Variants in DMD observed in about 807,000 individuals in gnomAD.
DMD encodes dystrophin, also known as mutant dystrophin.
Under a neutral mutation model 330.1 loss-of-function variants are expected in DMD, and 63 were observed. The ratio of observed to expected loss-of-function variants is 0.19; its 90% CI spans 0.16 to 0.24. The LOEUF (loss-of-function observed/expected upper bound fraction) is 0.24. Ranked by LOEUF, DMD falls within the 10% of genes least tolerant of loss-of-function variation. DMD has a pLI of 1.00. For synonymous variants in DMD, 1,223 were observed against 959.8 expected, an observed-to-expected ratio of 1.27 and a Z score of -5.07; for missense variants, 3,344 against 2,684.1, an observed-to-expected ratio of 1.25 and a Z score of -5.43.
intron 37 of DMD, among the ~76,000 whole-genome samples, chrX:32,349,153 C>T (rs963831360): frequency 2.7e-5 from 3 of 111,478 alleles, no homozygotes; most frequent in African/African-American, 9.7e-5. Context: ...ACCTTGTAAA[C>T]ATCAGTTTCT....
intron 38 of DMD, among the ~76,000 whole-genome samples, chrX:32,347,829 T>C (rs1231370685): frequency 1.8e-5 from 2 of 111,718 alleles, no homozygotes; most frequent in Non-Finnish European, 3.8e-5. Flanking sequence ...TTAGTTGGGA[T>C]TGAAGGAGAA....
chrX:31,839,482 T>G (rs73619010), intron 48 of DMD, among the ~76,000 whole-genome samples: 13,361 of 111,701 alleles, frequency 0.12, 752 homozygotes, highest in African/African-American at 0.21. Context: ...TAGACTATTT[T>G]CTTTCTAAAT....
intron 64 of DMD, among the ~76,000 whole-genome samples, chrX:31,214,937 C>CTTTTTTTTTTTTTTTTTTTTTTTTTT (rs761569710): frequency 3.4e-4 from 13 of 38,097 alleles, no homozygotes; most frequent in East Asian, 1.0e-3. Context: ...TTTCTTTTTT[C>CTTTTTTTTTTTTTTTTTTTTTTTTTT]TTTTTTTTTT....
At chrX:32,177,763 A>C (rs1343719001) in intron 44 of DMD, among the ~76,000 whole-genome samples, 3 of 111,287 alleles carry the variant, frequency 2.7e-5, no homozygotes, top group Non-Finnish European at 3.8e-5. Flanking sequence ...ATTAATAATA[A>C]TAATACTAAT....
chrX:32,894,549 G>A (rs750830839), intron 2 of DMD, among the ~76,000 whole-genome samples: 1 of 112,433 alleles, frequency 8.9e-6, no homozygotes, highest in Non-Finnish European at 1.9e-5. Context: ...CGTTCACCTG[G>A]CAACCTTCAT....
intron 7 of DMD, among the ~76,000 whole-genome samples, chrX:32,735,780 A>G (rs1236972100): frequency 1.8e-5 from 2 of 111,820 alleles, no homozygotes; most frequent in African/African-American, 3.3e-5. Flanking sequence ...ATGGATTAAA[A>G]ACTTAAACGT....
At chrX:31,368,293 T>C (rs2059366573) in intron 60 of DMD, among the ~76,000 whole-genome samples, 1 of 112,578 alleles carries the variant, frequency 8.9e-6, no homozygotes, top group Non-Finnish European at 1.9e-5. Context: ...AAAAACTTCT[T>C]GTTTCCTTTT....
chrX:32,656,746 C>A (rs953055463), intron 9 of DMD, among the ~76,000 whole-genome samples: 1 of 111,562 alleles, frequency 9.0e-6, no homozygotes, highest in Non-Finnish European at 1.9e-5. Context: ...GACACTGACC[C>A]CGTGCCTAAC....
At chrX:31,557,660 C>G (rs755268771) in intron 55 of DMD, among the ~76,000 whole-genome samples, 25 of 111,855 alleles carry the variant, frequency 2.2e-4, no homozygotes, top group Non-Finnish European at 4.1e-4. Flanking sequence ...ATCTATCAAA[C>G]AATAGTGCAT....
chrX:31,590,975 T>C lies in DMD; in HGVS notation c.8217+36698A>G, dbSNP rs2076843007. ...GTTTAATGTGGATCTCTCAAACTAC[T>C]TTCTAATATGGTAACCACTAGACAC... On this transcript the variant is annotated intron_variant, in intron 55 of 78. Coordinates refer to ENST00000357033, the MANE Select transcript of DMD (RefSeq NM_004006.3). Among the ~76,000 whole-genome samples the C allele has an allele frequency of 4.5e-5, 5 of 111,483 alleles. No individual in the cohort carries two copies. In the South Asian group the frequency reaches 1.9e-3, roughly 42 times the overall value.
intron 2 of DMD, among the ~76,000 whole-genome samples, chrX:32,947,168 A>G (rs1292985141): frequency 8.9e-6 from 1 of 112,090 alleles, no homozygotes; most frequent in Non-Finnish European, 1.9e-5. Flanking sequence ...GTATACACCA[A>G]TACTTATGAG....
At chrX:31,988,723 T>C (rs2150303051) in intron 44 of DMD, among the ~76,000 whole-genome samples, 1 of 110,496 alleles carries the variant, frequency 9.1e-6, no homozygotes, top group South Asian at 3.9e-4. Context: ...TAACCAGTGA[T>C]ATTTAGAGAA....
intron 63 of DMD, among the ~76,000 whole-genome samples, chrX:31,252,143 G>A (rs2049433355): frequency 8.9e-6 from 1 of 111,966 alleles, no homozygotes; most frequent in African/African-American, 3.2e-5. Context: ...TTACAAATGG[G>A]GAAAGTCAAT....
At chrX:32,503,521 C>A (rs1336161193) in intron 18 of DMD, among the ~76,000 whole-genome samples, 1 of 111,729 alleles carries the variant, frequency 9.0e-6, no homozygotes. Flanking sequence ...AAAAGACTAT[C>A]TAATTTAAAG....
chrX:32,373,271 G>T (rs1354942296), intron 34 of DMD, among the ~76,000 whole-genome samples: 1 of 109,072 alleles, frequency 9.2e-6, no homozygotes, highest in Non-Finnish European at 1.9e-5. Flanking sequence ...AACGCCACTG[G>T]CCTATCAAAA....
chrX:31,291,450 C>A (rs764387861), intron 62 of DMD, among the ~76,000 whole-genome samples: 21 of 111,994 alleles, frequency 1.9e-4, no homozygotes, highest in Non-Finnish European at 3.0e-4. Flanking sequence ...TTACGCTTCG[C>A]TAGCCTTGCC....
intron 13 of DMD, 89 bp from the exon 14 acceptor site, chrX:32,573,935 T>C: frequency 1.4e-6 from 1 of 722,117 alleles, no homozygotes; most frequent in Non-Finnish European, 2.2e-6. Flanking sequence ...CCAAAGTATC[T>C]CAGTCTCCTA....
intron 13 of DMD, among the ~76,000 whole-genome samples, chrX:32,578,281 C>G (rs1389464338): frequency 1.8e-5 from 2 of 112,222 alleles, no homozygotes; most frequent in Non-Finnish European, 3.8e-5. Flanking sequence ...AGCAATAATG[C>G]ATATTTTTAT....
Position 32,631,897 on chromosome X carries a change from T to C in DMD, c.1331+12235A>G, listed in dbSNP as rs73465694. Among the ~76,000 whole-genome samples the C allele has an allele frequency of 9.2e-3, 1,025 of 111,187 alleles. 20 individuals are homozygous for C. Among genetic ancestry groups the C allele is most frequent in the African/African-American group, 0.032 (960 of 30,464 alleles). On this transcript the variant is annotated intron_variant, in intron 11 of 78. Transcript: ENST00000357033. ...AAGAACATACATCCAAACCATACTA[T>C]TCCATCCTGGCCCCTCCCAAATCTC...
Sources: allele counts gnomAD v4.1 joint callset (sites outside exome capture counted in the v4.1 genomes callset), GRCh38; gene constraint gnomAD v4.1.1; transcripts MANE v1.5; gene names NCBI Gene and HGNC (gene_info 2026-07-23, HGNC 2026-07-21).